Variants in FHIT observed in about 807,000 individuals in gnomAD.
FHIT encodes the protein bis(5'-adenosyl)-triphosphatase.
A neutral mutation model predicts 17.9 loss-of-function variants in FHIT; 19 were observed. That is an observed-to-expected ratio of 1.06 (90% confidence interval 0.74 to 1.56). The LOEUF is 1.56. Ranked by LOEUF, FHIT falls within the 40% of genes most tolerant of loss-of-function variation. The pLI is 0.00. For missense variants in FHIT, 248 were observed against 189.2 expected, an observed-to-expected ratio of 1.31 and a Z score of -1.82; for synonymous variants, 81 against 69.7, an observed-to-expected ratio of 1.16 and a Z score of -0.81.
chr3:60,962,416 C>A (rs1269152508), intron 3 of FHIT, among the ~76,000 whole-genome samples: 2 of 152,196 alleles, frequency 1.3e-5, no homozygotes, highest in Non-Finnish European at 1.5e-5. Flanking sequence ...ATTCAATACA[C>A]TTTATTTCTT....
chr3:60,266,448 G>A (rs1384032419), intron 5 of FHIT, among the ~76,000 whole-genome samples: 1 of 152,040 alleles, frequency 6.6e-6, no homozygotes, highest in African/African-American at 2.4e-5. Context: ...TTCTTTTGGT[G>A]GTGATGAAAA....
At chr3:60,296,496 GGTTT>G (rs1286045488) in intron 5 of FHIT, among the ~76,000 whole-genome samples, 1 of 152,006 alleles carries the variant, frequency 6.6e-6, no homozygotes, top group African/African-American at 2.4e-5. Context: ...TTTTCCAAAT[GGTTT>G]GTCTTTTTTG....
chr3:60,356,770 A>C (rs915874201), intron 5 of FHIT, among the ~76,000 whole-genome samples: 6 of 144,380 alleles, frequency 4.2e-5, no homozygotes, highest in Admixed American at 6.7e-5. Flanking sequence ...AAAAAAAAAA[A>C]AAAAAAAAAA....
intron 5 of FHIT, among the ~76,000 whole-genome samples, chr3:60,458,942 A>G (rs940163114): frequency 8.4e-6 from 1 of 119,600 alleles, no homozygotes; most frequent in African/African-American, 4.2e-5. Flanking sequence ...CACCTGGCTA[A>G]TTTGTCTTAT....
At position 60,468,046 on chromosome 3, in the gene FHIT, T is replaced by A. The variant is rs115169963; in HGVS notation, c.103+68814A>T. Among the ~76,000 whole-genome samples the A allele has an allele frequency of 4.0e-3, 616 of 152,294 alleles. 4 individuals are homozygous for A. The highest frequency in any genetic ancestry group is 0.014 in the African/African-American group (597 of 41,578). ...TTGACCCCTTTGTCATATAATGACC[T>A]TCTTTGTCTCTTACCATAGTTTTTG... On this transcript the variant is annotated intron_variant, in intron 5 of 9. Transcript: ENST00000492590.
At chr3:59,934,587 T>C (rs1323753821) in intron 7 of FHIT, among the ~76,000 whole-genome samples, 1 of 152,204 alleles carries the variant, frequency 6.6e-6, no homozygotes, top group Non-Finnish European at 1.5e-5. Flanking sequence ...CTCACACTGC[T>C]AATAAAGACA....
chr3:60,006,770 T>C (rs1369735033), intron 7 of FHIT, among the ~76,000 whole-genome samples: 1 of 152,116 alleles, frequency 6.6e-6, no homozygotes, highest in Non-Finnish European at 1.5e-5. Context: ...TGCCAAAGTA[T>C]GTTAACTACT....
chr3:60,419,983 C>G (rs1702409407), intron 5 of FHIT, among the ~76,000 whole-genome samples: 1 of 152,102 alleles, frequency 6.6e-6, no homozygotes, highest in African/African-American at 2.4e-5. Flanking sequence ...TGTCAAAAGT[C>G]TATTCTACAT....
chr3:61,040,827 C>G (rs17686275), intron 3 of FHIT, among the ~76,000 whole-genome samples: 4,621 of 152,212 alleles, frequency 0.03, 113 homozygotes, highest in Non-Finnish European at 0.051. Context: ...CTTATTCCCC[C>G]GATGGAAACT....
In FHIT at chr3:60,281,407, G is replaced by A. The variant is rs553908912; in HGVS notation, c.103+255453C>T. Among the ~76,000 whole-genome samples the A allele has an allele frequency of 3.9e-5, 6 of 152,222 alleles. No homozygotes were observed. The South Asian group carries it at 1.2e-3, about 32-fold the overall frequency. ...AAAATATTGAAGAACAAAGTTGAAGGAGTGATACTACTCAACTTTAAGACT... is the reference window on the plus strand; with the variant it reads ...AAAATATTGAAGAACAAAGTTGAAGAAGTGATACTACTCAACTTTAAGACT... On this transcript the variant is annotated intron_variant, in intron 5 of 9. Coordinates refer to ENST00000492590, the MANE Select transcript of FHIT (RefSeq NM_002012.4).
intron 5 of FHIT, among the ~76,000 whole-genome samples, chr3:60,410,645 G>C (rs1276021729): frequency 6.6e-6 from 1 of 152,162 alleles, no homozygotes; most frequent in Admixed American, 6.6e-5. Flanking sequence ...AAAATGCAGA[G>C]TCAAATTTCC....
At position 60,451,609 on chromosome 3, in the gene FHIT, T is replaced by G. The variant is rs539556707; in HGVS notation, c.103+85251A>C. On this transcript the variant is annotated intron_variant, in intron 5 of 9. Coordinates refer to ENST00000492590, the MANE Select transcript of FHIT (RefSeq NM_002012.4). ...AAGGATATTAAATATCAGTTGATTA[T>G]ACTAGTGCCACAATCCCAAGAAAGA... Among the ~76,000 whole-genome samples the G allele has an allele frequency of 5.3e-4, 80 of 152,334 alleles. 1 individual carries two copies. Among genetic ancestry groups the G allele is most frequent in the African/African-American group, 1.8e-3 (74 of 41,580 alleles).
intron 4 of FHIT, among the ~76,000 whole-genome samples, chr3:60,712,474 A>C: frequency 6.6e-6 from 1 of 151,450 alleles, no homozygotes; most frequent in Non-Finnish European, 1.5e-5. Context: ...TAAAAGACAC[A>C]GACTGGCAAA....
chr3:60,963,118 G>A (rs1344340278), intron 3 of FHIT, among the ~76,000 whole-genome samples: 1 of 152,164 alleles, frequency 6.6e-6, no homozygotes, highest in Non-Finnish European at 1.5e-5. Context: ...CCTGTTATTG[G>A]TCTATTAAGG....
intron 5 of FHIT, among the ~76,000 whole-genome samples, chr3:60,523,523 A>G (rs1426923268): frequency 6.6e-6 from 1 of 152,230 alleles, no homozygotes; most frequent in Non-Finnish European, 1.5e-5. Flanking sequence ...ACAAAAGGGC[A>G]TGTTATGTAA....
At chr3:60,017,095 T>C (rs1436426496) in intron 5 of FHIT, among the ~76,000 whole-genome samples, 1 of 152,194 alleles carries the variant, frequency 6.6e-6, no homozygotes, top group East Asian at 1.9e-4. Context: ...GTCATGCTTG[T>C]TAGAGCTTTC....
At chr3:59,896,702 G>T (rs1175724631) in intron 8 of FHIT, among the ~76,000 whole-genome samples, 1 of 152,148 alleles carries the variant, frequency 6.6e-6, no homozygotes, top group African/African-American at 2.4e-5. Flanking sequence ...ATATGGTTCA[G>T]CAGTGTGGAC....
intron 8 of FHIT, among the ~76,000 whole-genome samples, chr3:59,786,850 A>T (rs1172538723): frequency 6.6e-6 from 1 of 152,240 alleles, no homozygotes; most frequent in Non-Finnish European, 1.5e-5. Context: ...GCTGCTGCGA[A>T]CACCTCATTG....
At chr3:60,972,157 T>C (rs1710049362) in intron 3 of FHIT, among the ~76,000 whole-genome samples, 1 of 152,196 alleles carries the variant, frequency 6.6e-6, no homozygotes, top group Non-Finnish European at 1.5e-5. Flanking sequence ...TCATAGACAC[T>C]TACTTATATA....
Sources: allele counts gnomAD v4.1 joint callset (sites outside exome capture counted in the v4.1 genomes callset), GRCh38; gene constraint gnomAD v4.1.1; transcripts MANE v1.5; gene names NCBI Gene and HGNC (gene_info 2026-07-23, HGNC 2026-07-21).